CD48: variants seen among roughly 807,000 people sequenced by gnomAD.
The protein encoded by CD48 is CD48 molecule.
Under a neutral mutation model 22.0 loss-of-function variants are expected in CD48, and 20 were observed. That is an observed-to-expected ratio of 0.91 (90% confidence interval 0.64 to 1.32). The LOEUF is 1.32. CD48 is among the 40% of genes most tolerant of loss of function. The probability of loss-of-function intolerance (pLI) is 0.00; values close to 1 mark genes in which losing one functional copy is unlikely to be tolerated. For missense variants in CD48, 307 were observed against 286.5 expected (o/e 1.07, Z -0.52); for synonymous variants, 110 against 110.1 (o/e 1.00, Z 0.01).
chr1:160,708,642 G>C (rs1355889726), intron 1 of CD48, among the ~76,000 whole-genome samples: 3 of 152,114 alleles, frequency 2.0e-5, no homozygotes, highest in African/African-American at 7.2e-5. Flanking sequence ...CTAGAATTCT[G>C]GCCTGAGCAA....
chr1:160,691,592 G>A (rs1230691697), intron 1 of CD48: 4 of 179,330 alleles, frequency 2.2e-5, no homozygotes, highest in Non-Finnish European at 4.6e-5. Context: ...AATACTAAGG[G>A]GACTCAGAGG....
chr1:160,679,264 C>G, intron 3 of CD48, 133 bp from the exon 4 acceptor site: 1 of 675,014 alleles, frequency 1.5e-6, no homozygotes, highest in Non-Finnish European at 2.6e-6. Context: ...TGAATCCCAT[C>G]CTATTTGGCT....
At chr1:160,682,812 G>A (rs1661858206) in intron 2 of CD48, among the ~76,000 whole-genome samples, 2 of 152,358 alleles carry the variant, frequency 1.3e-5, no homozygotes, top group African/African-American at 2.4e-5. Flanking sequence ...GAGAATGAGA[G>A]ATAGTCCCAG....
At chr1:160,693,644 A>G (rs1662306977) in intron 1 of CD48, among the ~76,000 whole-genome samples, 1 of 152,286 alleles carries the variant, frequency 6.6e-6, no homozygotes. Flanking sequence ...TCCAAGATGT[A>G]AAAAAGGAAA....
At chr1:160,679,577 G>A (rs1266931571) in intron 3 of CD48, among the ~76,000 whole-genome samples, 3 of 151,968 alleles carry the variant, frequency 2.0e-5, no homozygotes, top group Non-Finnish European at 4.4e-5. Context: ...GAGAAAGGAA[G>A]ACAGAAAAGG....
intron 3 of CD48, among the ~76,000 whole-genome samples, chr1:160,679,549 C>G (rs533790858): frequency 6.6e-6 from 1 of 151,078 alleles, no homozygotes; most frequent in East Asian, 1.9e-4. Flanking sequence ...TCTGCACCAA[C>G]TAGGAAGAAG....
At chr1:160,709,287 G>A (rs1036016660) in intron 1 of CD48, among the ~76,000 whole-genome samples, 2 of 152,162 alleles carry the variant, frequency 1.3e-5, no homozygotes, top group African/African-American at 4.8e-5. Context: ...AGAATTTACT[G>A]ATGCTCTTCC....
chr1:160,697,863 C>A (rs1437811984), intron 1 of CD48, among the ~76,000 whole-genome samples: 4 of 152,068 alleles, frequency 2.6e-5, no homozygotes, highest in Non-Finnish European at 5.9e-5. Flanking sequence ...GTGAGTCCAG[C>A]TGTTGATAGC....
intron 1 of CD48, among the ~76,000 whole-genome samples, chr1:160,688,354 G>A (rs1044784378): frequency 1.3e-5 from 2 of 152,158 alleles, no homozygotes; most frequent in Non-Finnish European, 2.9e-5. Context: ...GATTCGCAAG[G>A]TCTAGGTAAA....
At chr1:160,679,212 C>T (rs1661711938) in intron 3 of CD48, 81 bp from the exon 4 acceptor site, 1 of 1,070,720 alleles carries the variant, frequency 9.3e-7, no homozygotes, top group Non-Finnish European at 1.5e-6. Flanking sequence ...GTACTGGACA[C>T]TGGTGTGGGA....
chr1:160,702,665 C>A (rs1410111909), intron 1 of CD48, among the ~76,000 whole-genome samples: 1 of 152,072 alleles, frequency 6.6e-6, no homozygotes, highest in Non-Finnish European at 1.5e-5. Context: ...CCAAGTTGGC[C>A]ACAATTATAG....
intron 1 of CD48, among the ~76,000 whole-genome samples, chr1:160,709,487 C>A (rs868697985): frequency 3.3e-5 from 5 of 152,262 alleles, no homozygotes; most frequent in Middle Eastern, 3.4e-3. Flanking sequence ...AGCATGGAAC[C>A]CAGATAGAAC....
intron 1 of CD48, among the ~76,000 whole-genome samples, chr1:160,710,065 T>A (rs1287418970): frequency 1.3e-5 from 2 of 152,176 alleles, no homozygotes; most frequent in Non-Finnish European, 2.9e-5. Context: ...AGAAGGCATG[T>A]ACATAAGCCC....
intron 1 of CD48, among the ~76,000 whole-genome samples, chr1:160,687,847 G>A (rs1662058568): frequency 6.6e-6 from 1 of 152,198 alleles, no homozygotes; most frequent in African/African-American, 2.4e-5. Context: ...TAATGCCTCA[G>A]CTCCAGGCAT....
chr1:160,701,226 T>A (rs1377364545), intron 1 of CD48, among the ~76,000 whole-genome samples: 1 of 148 alleles, frequency 6.8e-3, no homozygotes, highest in Non-Finnish European at 0.045. Context: ...TTTTAGGTAT[T>A]AAAGCCAGGT....
intron 2 of CD48, 67 bp downstream of exon 2, chr1:160,684,820 G>T: frequency 6.2e-7 from 1 of 1,613,994 alleles, no homozygotes; most frequent in Non-Finnish European, 8.5e-7. Context: ...TGCCTCCCAG[G>T]AAGCCCTACA....
chr1:160,707,162 T>C (rs1662821024), intron 1 of CD48, among the ~76,000 whole-genome samples: 1 of 152,092 alleles, frequency 6.6e-6, no homozygotes, highest in Non-Finnish European at 1.5e-5. Flanking sequence ...GGCTACTATT[T>C]TTTGAGATGG....
intron 1 of CD48, among the ~76,000 whole-genome samples, chr1:160,689,570 G>A (rs1662117723): frequency 1.3e-5 from 2 of 152,168 alleles, no homozygotes; most frequent in South Asian, 4.1e-4. Context: ...TTTGTAAGGA[G>A]AAAAAGAAAA....
At chr1:160,705,639 C>G (rs1305930128) in intron 1 of CD48, among the ~76,000 whole-genome samples, 1 of 152,180 alleles carries the variant, frequency 6.6e-6, no homozygotes, top group African/African-American at 2.4e-5. Flanking sequence ...GACATTCTTT[C>G]TAGGAGTTTA....
Sources: gnomAD v4.1 joint callset for allele counts (sites outside exome capture counted in the v4.1 genomes callset) on GRCh38, gnomAD v4.1.1 for gene constraint, MANE v1.5 for transcripts, NCBI Gene and HGNC (gene_info 2026-07-23, HGNC 2026-07-21) for gene names.